Variants in PCDHGB1 observed in about 807,000 individuals in gnomAD.
PCDHGB1 encodes protocadherin gamma subfamily B, 1, also known as protocadherin gamma-B1.
Under a neutral mutation model 56.6 loss-of-function variants are expected in PCDHGB1, and 34 were observed. The observed-to-expected ratio is 0.60, with a 90% CI of 0.46 to 0.80. The LOEUF is 0.80. Among genes scored for constraint, PCDHGB1 ranks in the 30% least tolerant of loss-of-function variants. The probability of loss-of-function intolerance (pLI) is 0.00; values close to 1 mark genes in which losing one functional copy is unlikely to be tolerated. For missense variants in PCDHGB1, 1,278 were observed against 1,204.6 expected, an observed-to-expected ratio of 1.06 and a Z score of -0.90; for synonymous variants, 561 against 505.9, an observed-to-expected ratio of 1.11 and a Z score of -1.46.
chr5:141,433,347 CCTA>C, intron 1 of PCDHGB1: 1 of 626,716 alleles, frequency 1.6e-6, no homozygotes, highest in South Asian at 2.0e-5. Flanking sequence ...GTGCAAGCCA[CCTA>C]CTGTCTGCCT....
intron 1 of PCDHGB1, chr5:141,395,547 TGTGTGTGTGTGTGTGTG>T (rs2093270399): frequency 1.4e-4 from 25 of 174,246 alleles, no homozygotes; most frequent in Middle Eastern, 2.2e-3. Context: ...ATTGTTTGTG[TGTGTGTGTGTGTGTGTG>T]TGTGTGTGTG....
chr5:141,403,339 C>A, intron 1 of PCDHGB1: 2 of 1,614,010 alleles, frequency 1.2e-6, no homozygotes, highest in Non-Finnish European at 1.7e-6. Flanking sequence ...TTAACGACAG[C>A]GCCCCAAAGT....
At chr5:141,414,846 G>A in intron 1 of PCDHGB1, 1 of 1,614,218 alleles carries the variant, frequency 6.2e-7, no homozygotes, top group African/African-American at 1.3e-5. Flanking sequence ...TGTTTGTGCT[G>A]GACCAGAACG....
intron 2 of PCDHGB1, among the ~76,000 whole-genome samples, chr5:141,497,264 A>G (rs2154592078): frequency 6.6e-6 from 1 of 152,258 alleles, no homozygotes; most frequent in East Asian, 1.9e-4. Flanking sequence ...GAGAAGTTCT[A>G]GGCCATTTAT....
At position 141,418,250 on chromosome 5, in the gene PCDHGB1, C is replaced by T. The variant is rs375149538; in HGVS notation, c.2409+65581C>T. ...GATTGAGGATGTTAATGACCACGCC[C>T]CTCAATTCCGGAAAGATGAAATAAA... On this transcript the variant is annotated intron_variant, in intron 1 of 3. Transcript: ENST00000523390. The T allele has an allele frequency of 2.5e-5, 40 of 1,613,876 alleles. No individual in the cohort carries two copies. The African/African-American group carries it at 3.6e-4, about 15-fold the overall frequency.
chr5:141,352,091 G>T lies in PCDHGB1; in HGVS notation c.1831G>T (p.Gly611Trp). The T allele has an allele frequency of 1.2e-6, 2 of 1,605,050 alleles. No homozygotes were observed. Among genetic ancestry groups the T allele is most frequent in the Non-Finnish European group, 8.5e-7 (1 of 1,176,558 alleles). Residue 611 changes from glycine (G) to tryptophan (W), a missense_variant, in exon 1 of 4, where the codon GGG becomes TGG. Physicochemically the swap from Gly to Trp is radical, Grantham distance 184. Coordinates refer to ENST00000523390, the MANE Select transcript of PCDHGB1 (RefSeq NM_018922.3). ...CCACGTGCTGCAGGCCAGCGAGCCC[G>T]GGCTCTTCAGCCTGGGGTTGCGCAC... is the stretch of plus-strand genomic sequence containing the variant. ...SYHVLQASEP[G>W]LFSLGLRTGE...
intron 1 of PCDHGB1, chr5:141,409,468 C>T (rs1256188577): frequency 1.9e-6 from 3 of 1,613,948 alleles, no homozygotes; most frequent in Admixed American, 1.7e-5. Flanking sequence ...ATGTCACCAT[C>T]GTAGCCACTG....
intron 1 of PCDHGB1, chr5:141,370,513 AGCTGGACAGGGGCTC>A (rs768998364): frequency 2.8e-5 from 45 of 1,613,894 alleles, no homozygotes; most frequent in Non-Finnish European, 3.6e-5. Context: ...ATTCCCGAGG[AGCTGGACAGGGGCTC>A]GCTGGTAGGG....
chr5:141,500,184 T>TTTTATTTA (rs58019021), intron 2 of PCDHGB1, among the ~76,000 whole-genome samples: 1,392 of 135,954 alleles, frequency 0.01, 12 homozygotes, highest in South Asian at 0.02. Flanking sequence ...TCATTTTTAT[T>TTTTATTTA]TTTATTTATT....
At chr5:141,409,447 A>G (rs764648085) in intron 1 of PCDHGB1, 3 of 1,614,008 alleles carry the variant, frequency 1.9e-6, no homozygotes, top group Admixed American at 1.7e-5. Flanking sequence ...GAGAGCAGAC[A>G]CCAGAATACA....
rs1780458671 is a variant in PCDHGB1 at position 141,384,757 on chromosome 5, G to C, written c.2409+32088G>C. Reference sequence around the variant, plus strand: ...CAGCGAGCCAGGACTCTTTGCGGTTGGGCTGTACACGGGCGAGGTGCGCAC... The same window carrying C: ...CAGCGAGCCAGGACTCTTTGCGGTTCGGCTGTACACGGGCGAGGTGCGCAC... On this transcript the variant is annotated intron_variant, in intron 1 of 3. Transcript: ENST00000523390. 7 of 1,613,872 alleles carry C rather than the reference G, an allele frequency of 4.3e-6. No individual in the cohort carries two copies. The East Asian group carries it at 1.6e-4, about 36-fold the overall frequency.
intron 1 of PCDHGB1, chr5:141,388,656 G>C (rs747453786): frequency 2.5e-5 from 40 of 1,613,886 alleles, no homozygotes; most frequent in Non-Finnish European, 3.4e-5. Context: ...CGTGTACCCG[G>C]GGACCACGGT....
At chr5:141,420,234 T>G (rs766733064) in intron 1 of PCDHGB1, 1 of 1,600,030 alleles carries the variant, frequency 6.2e-7, no homozygotes, top group Non-Finnish European at 8.5e-7. Flanking sequence ...GCTAGCATTT[T>G]AACTCCCAGC....
chr5:141,408,676 G>A (rs1315766272), intron 1 of PCDHGB1: 2 of 1,613,652 alleles, frequency 1.2e-6, no homozygotes, highest in Non-Finnish European at 1.7e-6. Flanking sequence ...ACCCTGCCAC[G>A]GATCCTGATA....
chr5:141,451,414 A>G (rs934393544), intron 1 of PCDHGB1, among the ~76,000 whole-genome samples: 2 of 152,108 alleles, frequency 1.3e-5, no homozygotes, highest in African/African-American at 2.4e-5. Flanking sequence ...TTCCTTGTGG[A>G]TTGTTAGACT....
intron 2 of PCDHGB1, among the ~76,000 whole-genome samples, chr5:141,500,614 C>T (rs1300242596): frequency 1.3e-5 from 2 of 152,204 alleles, no homozygotes; most frequent in African/African-American, 4.8e-5. Context: ...TATTCCCAGT[C>T]ATACGGTACA....
At chr5:141,388,721 C>A (rs373386803) in intron 1 of PCDHGB1, 33 of 1,613,884 alleles carry the variant, frequency 2.0e-5, no homozygotes, top group Non-Finnish European at 2.7e-5. Context: ...AGATTACTTT[C>A]TCTTTCAGTG....
intron 1 of PCDHGB1, chr5:141,360,139 A>G: frequency 6.3e-7 from 1 of 1,594,488 alleles, no homozygotes; most frequent in South Asian, 1.1e-5. Context: ...CCAGAAGATG[A>G]AAGCGAGCTC....
At chr5:141,398,045 G>A (rs2093604271) in intron 1 of PCDHGB1, 1 of 1,498,158 alleles carries the variant, frequency 6.7e-7, no homozygotes. Flanking sequence ...AAGCCCGTTC[G>A]GAGATCCAAA....
Sources: gnomAD v4.1 joint callset for allele counts (sites outside exome capture counted in the v4.1 genomes callset) on GRCh38, gnomAD v4.1.1 for gene constraint, MANE v1.5 for transcripts, NCBI Gene and HGNC (gene_info 2026-07-23, HGNC 2026-07-21) for gene names.